The following SLC35F1 variants were observed in gnomAD, a reference collection of about 807,000 sequenced individuals.
SLC35F1 encodes the protein chromosome 6 open reading frame 169.
A neutral mutation model predicts 48.7 loss-of-function variants in SLC35F1; 14 were observed. The ratio of observed to expected loss-of-function variants is 0.29; its 90% CI spans 0.19 to 0.45. SLC35F1 has a LOEUF of 0.45. Ranked by LOEUF, SLC35F1 falls within the 20% of genes least tolerant of loss-of-function variation. SLC35F1 has a pLI of 1.00. For synonymous variants in SLC35F1, 190 were observed against 202.2 expected (o/e 0.94, Z 0.51); for missense variants, 404 against 500.0 (o/e 0.81, Z 1.83).
At chr6:118,251,738 G>A (rs1048846473) in intron 3 of SLC35F1, among the ~76,000 whole-genome samples, 1 of 152,126 alleles carries the variant, frequency 6.6e-6, no homozygotes, top group Non-Finnish European at 1.5e-5. Flanking sequence ...CTTATTCGGT[G>A]TGTGAGTGAA....
intron 1 of SLC35F1, among the ~76,000 whole-genome samples, chr6:117,980,334 T>A (rs893050704): frequency 1.3e-5 from 2 of 152,192 alleles, no homozygotes; most frequent in African/African-American, 4.8e-5. Flanking sequence ...GCACCCTTGA[T>A]TGTCTTTGAA....
chr6:118,210,015 C>T (rs1219198527), intron 2 of SLC35F1, among the ~76,000 whole-genome samples: 2 of 152,136 alleles, frequency 1.3e-5, no homozygotes, highest in Non-Finnish European at 2.9e-5. Flanking sequence ...ATAAAGTTAT[C>T]TTTATTTTAT....
intron 1 of SLC35F1, among the ~76,000 whole-genome samples, chr6:118,001,556 TAAAAC>T (rs1157846578): frequency 6.6e-6 from 1 of 152,098 alleles, no homozygotes; most frequent in Non-Finnish European, 1.5e-5. Flanking sequence ...ACTTCATGTC[TAAAAC>T]ACCAAAAGCA....
rs17079594 is a variant in SLC35F1 at position 117,959,793 on chromosome 6, A to T, written c.173+51894A>T. ...AAATGCATAAAGAATGCTACTTATA[A>T]GTTAAAACAATTATTTTTGATCCCC... On this transcript the variant is annotated intron_variant, in intron 1 of 7. Coordinates refer to ENST00000360388, the MANE Select transcript of SLC35F1 (RefSeq NM_001029858.4). 7.1e-4 allele frequency among the ~76,000 whole-genome samples: 108 copies of T among 152,286 alleles called. No homozygotes were observed. The East Asian group carries it at 0.012, about 17-fold the overall frequency.
chr6:117,951,506 G>A (rs1776362635), intron 1 of SLC35F1, among the ~76,000 whole-genome samples: 1 of 152,116 alleles, frequency 6.6e-6, no homozygotes, highest in Admixed American at 6.6e-5. Context: ...GGGAAAATTA[G>A]GAGTATGTAT....
chr6:118,122,218 T>G (rs12210197), intron 1 of SLC35F1, among the ~76,000 whole-genome samples: 124 of 151,610 alleles, frequency 8.2e-4, no homozygotes, highest in Non-Finnish European at 1.4e-3. Context: ...AATTCCTTCA[T>G]TTTTTTCTCC....
intron 4 of SLC35F1, among the ~76,000 whole-genome samples, chr6:118,269,541 G>A (rs1582761943): frequency 6.6e-6 from 1 of 151,436 alleles, no homozygotes. Context: ...CCATCACAGA[G>A]AACATATTTT....
intron 2 of SLC35F1, among the ~76,000 whole-genome samples, chr6:118,226,360 G>A (rs926967972): frequency 1.3e-5 from 2 of 152,174 alleles, no homozygotes; most frequent in Non-Finnish European, 2.9e-5. Flanking sequence ...CCGCTATTGA[G>A]TTATGCCTAA....
chr6:117,908,166 C>T (rs923967887), intron 1 of SLC35F1, among the ~76,000 whole-genome samples: 13 of 152,174 alleles, frequency 8.5e-5, no homozygotes, highest in Admixed American at 2.6e-4. Context: ...ACCTAGCCAC[C>T]CTGTATGTGT....
Position 117,907,834 on chromosome 6 carries a change from C to A in SLC35F1, c.108C>A (p.Gly36=). The A allele has an allele frequency of 6.5e-7, 1 of 1,537,552 alleles. No homozygotes were observed. ...IENLPAEGSG[G]GGSLSASSRA... ...ACCTGCCGGCCGAGGGCAGCGGCGG[C>A]GGCGGGAGCCTGTCCGCCTCCTCCC... Residue 36 remains glycine, a synonymous_variant, in exon 1 of 8, where the codon GGC becomes GGA. Transcript: ENST00000360388.
At chr6:118,019,242 T>G (rs1415132600) in intron 1 of SLC35F1, among the ~76,000 whole-genome samples, 1 of 151,918 alleles carries the variant, frequency 6.6e-6, no homozygotes, top group East Asian at 1.9e-4. Flanking sequence ...TATATCCACC[T>G]ATCTATATAT....
intron 1 of SLC35F1, among the ~76,000 whole-genome samples, chr6:117,992,307 AG>A (rs1776929329): frequency 6.6e-6 from 1 of 152,184 alleles, no homozygotes; most frequent in Admixed American, 6.5e-5. Context: ...GAAATGAAAA[AG>A]GATGGTGTAA....
intron 1 of SLC35F1, among the ~76,000 whole-genome samples, chr6:117,998,610 G>A (rs1777037103): frequency 7.0e-6 from 1 of 142,752 alleles, no homozygotes; most frequent in South Asian, 2.1e-4. Flanking sequence ...TAGAACTCAG[G>A]ATTCAGAAAC....
chr6:118,182,556 G>GAAGGAAGGAAGC (rs1774596961), intron 2 of SLC35F1, among the ~76,000 whole-genome samples: 1 of 140,316 alleles, frequency 7.1e-6, no homozygotes, highest in African/African-American at 3.1e-5. Flanking sequence ...AGGAAGGAAG[G>GAAGGAAGGAAGC]AAGGAAGAAA....
intron 1 of SLC35F1, among the ~76,000 whole-genome samples, chr6:118,133,012 G>A (rs1773738984): frequency 6.6e-6 from 1 of 152,164 alleles, no homozygotes; most frequent in South Asian, 2.1e-4. Flanking sequence ...AGGGTTGACA[G>A]CTGGCTCTAT....
intron 2 of SLC35F1, among the ~76,000 whole-genome samples, chr6:118,216,086 GTTTT>G (rs869073333): frequency 9.1e-6 from 1 of 109,856 alleles, no homozygotes; most frequent in Non-Finnish European, 1.9e-5. Flanking sequence ...TTTGTTTTTT[GTTTT>G]TTTTTTTTTG....
intron 1 of SLC35F1, among the ~76,000 whole-genome samples, chr6:118,151,378 G>T (rs1012845714): frequency 6.6e-6 from 1 of 152,030 alleles, no homozygotes; most frequent in Non-Finnish European, 1.5e-5. Context: ...TGCTACTAAT[G>T]CTGCTGGATC....
intron 1 of SLC35F1, among the ~76,000 whole-genome samples, chr6:118,133,039 C>T (rs1001621724): frequency 6.6e-6 from 1 of 152,084 alleles, no homozygotes; most frequent in African/African-American, 2.4e-5. Context: ...CCCTGGATAT[C>T]GCATCTTGAT....
At chr6:118,052,295 C>A (rs1200618450) in intron 1 of SLC35F1, among the ~76,000 whole-genome samples, 1 of 152,058 alleles carries the variant, frequency 6.6e-6, no homozygotes, top group Non-Finnish European at 1.5e-5. Context: ...AATCTCAAAC[C>A]ACTAAAAGAA....
Sources: allele counts gnomAD v4.1 joint callset (sites outside exome capture counted in the v4.1 genomes callset), GRCh38; gene constraint gnomAD v4.1.1; transcripts MANE v1.5; gene names NCBI Gene and HGNC (gene_info 2026-07-23, HGNC 2026-07-21).